The following SGSM1 variants were observed in gnomAD, a reference collection of about 807,000 sequenced individuals.
SGSM1 encodes the protein RUN and TBC1 domain containing 2.
Under a neutral mutation model 133.8 loss-of-function variants are expected in SGSM1, and 73 were observed. The ratio of observed to expected loss-of-function variants is 0.55; its 90% CI spans 0.45 to 0.66. SGSM1 has a LOEUF of 0.66. Ranked by LOEUF, SGSM1 falls within the 30% of genes least tolerant of loss-of-function variation. The pLI is 0.00. For synonymous variants in SGSM1, 563 were observed against 573.0 expected (o/e 0.98, Z 0.25); for missense variants, 1,213 against 1,448.1 (o/e 0.84, Z 2.64).
intron 2 of SGSM1, chr22:24,814,005 A>T (rs1927912977): frequency 6.6e-6 from 1 of 152,210 alleles, no homozygotes; most frequent in African/African-American, 2.4e-5. Flanking sequence ...GTGGCTCCTA[A>T]CAGGTCCCTT....
chr22:24,857,316 C>T (rs1601928298), intron 8 of SGSM1, among the ~76,000 whole-genome samples: 1 of 146,188 alleles, frequency 6.8e-6, no homozygotes, highest in Non-Finnish European at 1.5e-5. Context: ...GAGGCTGAGG[C>T]AGAACTGCTT....
chr22:24,841,369 C>G (rs375837303), intron 2 of SGSM1, among the ~76,000 whole-genome samples: 1 of 152,230 alleles, frequency 6.6e-6, no homozygotes. Context: ...AGTTTTGTAT[C>G]CTAAGATATT....
Position 24,855,236 on chromosome 22 carries a change from G to T in SGSM1, c.524-49G>T, listed in dbSNP as rs781739700. On this transcript the variant is annotated intron_variant, in intron 6 of 24. Coordinates refer to ENST00000400358, the MANE Select transcript of SGSM1 (RefSeq NM_001098497.3). The stretch of plus-strand genomic sequence containing the variant: ...GGCGGCCATCTGCTGGTAGACATGC[G>T]GGAGGACTTTCCGGGGCAGTGGGTT... The T allele has an allele frequency of 3.8e-6, 6 of 1,580,176 alleles. No individual in the cohort carries two copies. The African/African-American group carries it at 4.0e-5, about 11-fold the overall frequency.
chr22:24,859,500 A>G, intron 8 of SGSM1: 1 of 631,216 alleles, frequency 1.6e-6, no homozygotes, highest in Non-Finnish European at 2.9e-6. Context: ...TCACAGCTGG[A>G]CGATGTAGAA....
intron 12 of SGSM1, chr22:24,874,283 G>A: frequency 3.4e-6 from 3 of 876,546 alleles, no homozygotes; most frequent in Non-Finnish European, 5.2e-6. Context: ...TGAACACAGT[G>A]AATGTGGGAG....
At chr22:24,841,073 A>C (rs1191222714) in intron 2 of SGSM1, among the ~76,000 whole-genome samples, 5 of 151,404 alleles carry the variant, frequency 3.3e-5, no homozygotes, top group South Asian at 2.1e-4. Context: ...GATGGTCTCG[A>C]TCTCCTGACC....
intron 2 of SGSM1, among the ~76,000 whole-genome samples, chr22:24,826,039 G>T (rs1416812519): frequency 6.6e-6 from 1 of 152,144 alleles, no homozygotes; most frequent in Admixed American, 6.5e-5. Flanking sequence ...TTAAACCAGG[G>T]GTGTCTGTGG....
intron 8 of SGSM1, among the ~76,000 whole-genome samples, chr22:24,857,973 ATGTTTTT>A (rs1263198676): frequency 1.3e-5 from 2 of 151,778 alleles, no homozygotes; most frequent in Non-Finnish European, 2.9e-5. Flanking sequence ...CATCTCGGGG[ATGTTTTT>A]TGTTTTTTGT....
rs1933212828 is a variant in SGSM1 at position 24,902,814 on chromosome 22, G to A, written c.2735+857G>A. Among the ~76,000 whole-genome samples the A allele has an allele frequency of 2.6e-5, 4 of 152,214 alleles. No homozygotes were observed. The South Asian group carries it at 8.3e-4, about 32-fold the overall frequency. On this transcript the variant is annotated intron_variant, in intron 20 of 24. Transcript: ENST00000400358. Reference sequence around the variant, plus strand: ...AGCACTTTGGGAGGCCAAGGCAGGAGGATTGCTTGAGGCCAAGAGTTTAAG... The same window carrying A: ...AGCACTTTGGGAGGCCAAGGCAGGAAGATTGCTTGAGGCCAAGAGTTTAAG...
At chr22:24,866,348 C>T (rs968042637) in intron 9 of SGSM1, among the ~76,000 whole-genome samples, 1 of 152,182 alleles carries the variant, frequency 6.6e-6, no homozygotes, top group Non-Finnish European at 1.5e-5. Flanking sequence ...GAGAAACCCT[C>T]GAGTCACACT....
At chr22:24,874,765 C>T (rs968877457) in intron 12 of SGSM1, among the ~76,000 whole-genome samples, 2 of 152,160 alleles carry the variant, frequency 1.3e-5, no homozygotes, top group African/African-American at 4.8e-5. Flanking sequence ...GGTTCAGTAG[C>T]GAAGGGATCA....
chr22:24,875,561 A>G (rs1425889890), intron 12 of SGSM1, among the ~76,000 whole-genome samples: 2 of 151,780 alleles, frequency 1.3e-5, no homozygotes, highest in Non-Finnish European at 2.9e-5. Flanking sequence ...AATGGCGTGA[A>G]CCCAGGAGGC....
At chr22:24,812,184 A>AG (rs1555918330) in intron 2 of SGSM1, among the ~76,000 whole-genome samples, 2,524 of 150,414 alleles carry the variant, frequency 0.017, 87 homozygotes, top group African/African-American at 0.059. Flanking sequence ...AAAGAAAAAA[A>AG]AAAAGAAAAG....
chr22:24,816,135 G>T (rs915328045), intron 2 of SGSM1, among the ~76,000 whole-genome samples: 2 of 152,098 alleles, frequency 1.3e-5, no homozygotes, highest in African/African-American at 2.4e-5. Flanking sequence ...ACCAAATATT[G>T]CTGTAAGTGC....
chr22:24,831,314 G>A (rs538908951), intron 2 of SGSM1, among the ~76,000 whole-genome samples: 9 of 152,006 alleles, frequency 5.9e-5, no homozygotes, highest in Non-Finnish European at 1.3e-4. Context: ...CCAGCCCTGC[G>A]GGGAGTTCCA....
intron 19 of SGSM1, among the ~76,000 whole-genome samples, chr22:24,898,860 TACTA>T (rs1254930501): frequency 6.6e-6 from 1 of 151,962 alleles, no homozygotes; most frequent in Non-Finnish European, 1.5e-5. Flanking sequence ...AACCTGTCTC[TACTA>T]AAAGTACAAA....
At chr22:24,841,026 A>G (rs894936480) in intron 2 of SGSM1, among the ~76,000 whole-genome samples, 2 of 151,356 alleles carry the variant, frequency 1.3e-5, no homozygotes, top group East Asian at 2.0e-4. Flanking sequence ...AATTTTTTGT[A>G]TTTTTAGTAG....
At chr22:24,915,540 AT>A (rs58486768) in intron 22 of SGSM1, among the ~76,000 whole-genome samples, 4,704 of 152,090 alleles carry the variant, frequency 0.031, 238 homozygotes, top group African/African-American at 0.11. Flanking sequence ...GTGATTTATA[AT>A]TTTTTTTATT....
At chr22:24,806,626 C>G in intron 2 of SGSM1, 142 bp downstream of exon 2, 1 of 1,019,894 alleles carries the variant, frequency 9.8e-7, no homozygotes, top group Non-Finnish European at 1.3e-6. Context: ...GGGCATTGAC[C>G]TCCCGCAGGG....
Sources: gnomAD v4.1 joint callset for allele counts (sites outside exome capture counted in the v4.1 genomes callset) on GRCh38, gnomAD v4.1.1 for gene constraint, MANE v1.5 for transcripts, NCBI Gene and HGNC (gene_info 2026-07-23, HGNC 2026-07-21) for gene names.